Variants in KLF7 observed in about 807,000 individuals in gnomAD.
KLF7 encodes the protein KLF transcription factor 7.
Under a neutral mutation model 27.3 loss-of-function variants are expected in KLF7, and 2 were observed. The ratio of observed to expected loss-of-function variants is 0.07; its 90% confidence interval spans 0.03 to 0.23. The LOEUF (loss-of-function observed/expected upper bound fraction) is 0.23. Ranked by LOEUF, KLF7 falls within the 10% of genes least tolerant of loss-of-function variation. The pLI is 1.00. For synonymous variants in KLF7, 165 were observed against 162.4 expected, an observed-to-expected ratio of 1.02 and a Z score of -0.12; for missense variants, 221 against 394.1, an observed-to-expected ratio of 0.56 and a Z score of 3.72.
chr2:207,090,913 A>T (rs982386214), intron 2 of KLF7, among the ~76,000 whole-genome samples: 7 of 152,176 alleles, frequency 4.6e-5, no homozygotes, highest in Non-Finnish European at 8.8e-5. Context: ...GAGGCACCTA[A>T]GACTTTGGAA....
At chr2:207,117,893 C>A (rs1277005065) in intron 2 of KLF7, among the ~76,000 whole-genome samples, 1 of 152,184 alleles carries the variant, frequency 6.6e-6, no homozygotes, top group African/African-American at 2.4e-5. Context: ...ACTGCCCCAT[C>A]ACCACCCTTC....
chr2:207,159,431 C>G (rs1178536528), intron 1 of KLF7, among the ~76,000 whole-genome samples: 1 of 152,212 alleles, frequency 6.6e-6, no homozygotes, highest in African/African-American at 2.4e-5. Context: ...ATGTTTCTTT[C>G]TTTCTTTCCT....
chr2:207,138,530 A>G (rs1195786024), intron 1 of KLF7, among the ~76,000 whole-genome samples: 2 of 152,218 alleles, frequency 1.3e-5, no homozygotes, highest in African/African-American at 2.4e-5. Flanking sequence ...TCTGCTACTT[A>G]TAGTTAATGG....
Position 207,165,799 on chromosome 2 carries a change from G to T in KLF7, c.-231C>A, listed in dbSNP as rs984288040. ...GGGTGGATGGAGAGAGGCATCCAGCGTGTACAGTGCAGACGACTGCCAGGA... is the reference window on the plus strand; with the variant it reads ...GGGTGGATGGAGAGAGGCATCCAGCTTGTACAGTGCAGACGACTGCCAGGA... On this transcript the variant is annotated 5_prime_UTR_variant, in exon 1 of 4. Coordinates refer to ENST00000309446, the MANE Select transcript of KLF7 (RefSeq NM_003709.4). The T allele has an allele frequency of 1.3e-5, 18 of 1,418,794 alleles. No homozygotes were observed. Among genetic ancestry groups the T allele is most frequent in the Non-Finnish European group, 1.6e-5 (18 of 1,090,924 alleles). The allele number at this position is 1,418,794 out of a possible 1,614,324, so 87.9% of individuals were successfully genotyped here.
At chr2:207,084,348 T>C (rs1004051924) in intron 3 of KLF7, among the ~76,000 whole-genome samples, 5 of 152,212 alleles carry the variant, frequency 3.3e-5, no homozygotes, top group African/African-American at 1.2e-4. Context: ...TTCAGTAATA[T>C]ATGTGTTCGG....
chr2:207,167,152 A>C (rs894488432), upstream of KLF7: 4 of 1,438,476 alleles, frequency 2.8e-6, no homozygotes, highest in Admixed American at 2.6e-5. Context: ...TGGGGTCTCC[A>C]GCGAGGTGTC....
intron 2 of KLF7, among the ~76,000 whole-genome samples, chr2:207,119,459 G>GT (rs11438737): frequency 0.56 from 84,522 of 149,846 alleles, 25,180 homozygotes; most frequent in Admixed American, 0.67. Context: ...AATGAGCATA[G>GT]TTTTTTTTTT....
intron 1 of KLF7, among the ~76,000 whole-genome samples, chr2:207,164,498 C>T (rs2078641628): frequency 6.7e-6 from 1 of 150,110 alleles, no homozygotes; most frequent in African/African-American, 2.5e-5. Context: ...CTCAGCAGCT[C>T]CTAATCGCTG....
At chr2:207,088,645 C>A (rs2076443498) in intron 2 of KLF7, 64 bp from the exon 3 acceptor site, 4 of 1,549,260 alleles carry the variant, frequency 2.6e-6, no homozygotes, top group Non-Finnish European at 3.5e-6. Flanking sequence ...ACCCAACCAG[C>A]CTGTGCTGCC....
upstream of KLF7, chr2:207,166,359 A>AG (rs1553540385): frequency 4.0e-5 from 8 of 197,646 alleles, no homozygotes; most frequent in East Asian, 1.9e-4. Flanking sequence ...GGGCTATATA[A>AG]GGGGGCTGAG....
intron 2 of KLF7, among the ~76,000 whole-genome samples, chr2:207,101,323 A>G (rs2076760125): frequency 6.6e-6 from 1 of 152,222 alleles, no homozygotes; most frequent in African/African-American, 2.4e-5. Flanking sequence ...CCATGCATAC[A>G]TACAAAGAAC....
rs190674132 is a variant in KLF7 at position 207,078,068 on chromosome 2, G to T, written c.*3145C>A. 1 of 152,308 alleles carries T rather than the reference G, an allele frequency of 6.6e-6. No homozygotes were observed. The highest frequency in any genetic ancestry group is 1.9e-4 in the East Asian group (1 of 5,180). 9.4% of individuals were successfully genotyped at this position (152,308 alleles called of 1,614,324 possible). A position where few individuals can be genotyped will look rare whatever the true frequency, so the allele number is the denominator to read the frequency against. On this transcript the variant is annotated 3_prime_UTR_variant, in exon 4 of 4. Coordinates refer to ENST00000309446, the MANE Select transcript of KLF7 (RefSeq NM_003709.4). ...TCTTGGAAAACCTGCTCGCTCTAGCGGCTCTTAGTAACCATCTCTGCCACT... is the reference window on the plus strand; with the variant it reads ...TCTTGGAAAACCTGCTCGCTCTAGCTGCTCTTAGTAACCATCTCTGCCACT...
upstream of KLF7, among the ~76,000 whole-genome samples, chr2:207,168,891 A>C (rs1236396788): frequency 6.6e-6 from 1 of 152,234 alleles, no homozygotes; most frequent in African/African-American, 2.4e-5. Flanking sequence ...TTAAGATCAC[A>C]AGAGAACTTT....
In KLF7 at chr2:207,110,079, G is replaced by A. The variant is rs761183774; in HGVS notation, c.733+13695C>T. 3.9e-5 allele frequency: 6 copies of A among 154,844 alleles called. No individual in the cohort carries two copies. The South Asian group carries it at 8.1e-4, about 21-fold the overall frequency. 9.6% of individuals were successfully genotyped at this position (154,844 alleles called of 1,614,324 possible). On this transcript the variant is annotated intron_variant, in intron 2 of 3. Coordinates refer to ENST00000309446, the MANE Select transcript of KLF7 (RefSeq NM_003709.4). ...ATCTGGGGATGACACGTCTGACAATGTTATTTTCTATGCACGTGAATGTAG... is the reference window on the plus strand; with the variant it reads ...ATCTGGGGATGACACGTCTGACAATATTATTTTCTATGCACGTGAATGTAG...
At chr2:207,134,066 C>G in intron 1 of KLF7, 1 of 1,535,734 alleles carries the variant, frequency 6.5e-7, no homozygotes, top group Admixed American at 2.0e-5. Context: ...TTTACACTCA[C>G]TGGCCAAGAC....
rs918347110 is a variant in KLF7 at position 207,080,476 on chromosome 2, T to C, written c.*737A>G. The C allele has an allele frequency of 5.0e-6, 1 of 199,764 alleles. No individual in the cohort carries two copies. The highest frequency in any genetic ancestry group is 1.0e-5 in the Non-Finnish European group (1 of 99,708). The allele number at this position is 199,764 out of a possible 1,614,324, so 12.4% of individuals were successfully genotyped here. The stretch of plus-strand genomic sequence containing the variant: ...AACGTAAGAAAAGAAAACTCCTCCC[T>C]TGAGAGTGAAGTCTACAGAAATGCA... On this transcript the variant is annotated 3_prime_UTR_variant, in exon 4 of 4. Transcript: ENST00000309446.
chr2:207,147,530 T>G (rs762286151), intron 1 of KLF7, among the ~76,000 whole-genome samples: 13 of 152,126 alleles, frequency 8.5e-5, no homozygotes, highest in Non-Finnish European at 1.9e-4. Context: ...TTACAGAAGA[T>G]AATTGGCTTT....
intron 2 of KLF7, among the ~76,000 whole-genome samples, chr2:207,108,200 T>C (rs2076931582): frequency 2.0e-5 from 3 of 152,036 alleles, no homozygotes; most frequent in Non-Finnish European, 4.4e-5. Flanking sequence ...AAAACAAAAA[T>C]AAAAACAAAA....
chr2:207,163,067 C>T (rs1042964098), intron 1 of KLF7, among the ~76,000 whole-genome samples: 1 of 152,294 alleles, frequency 6.6e-6, no homozygotes, highest in Middle Eastern at 3.4e-3. Context: ...TCAGAAGCAG[C>T]AAGACGGTTT....
Sources: gnomAD v4.1 joint callset for allele counts (sites outside exome capture counted in the v4.1 genomes callset) on GRCh38, gnomAD v4.1.1 for gene constraint, MANE v1.5 for transcripts, NCBI Gene and HGNC (gene_info 2026-07-23, HGNC 2026-07-21) for gene names.